Variants in TGFBR3 observed in about 807,000 individuals in gnomAD.
TGFBR3 encodes the protein transforming growth factor beta receptor 3.
TGFBR3 carries 46 observed loss-of-function variants against 87.9 expected under a neutral mutation model. The observed-to-expected ratio is 0.52, with a 90% CI of 0.41 to 0.67. The LOEUF (loss-of-function observed/expected upper bound fraction) is 0.67, where lower values mean the gene tolerates loss of function less well. TGFBR3 is among the 30% of genes least tolerant of loss of function. The pLI, the probability that TGFBR3 is intolerant of heterozygous loss-of-function variation, is 0.00. For missense variants in TGFBR3, 866 were observed against 1,041.9 expected (o/e 0.83, Z 2.32); for synonymous variants, 381 against 391.6 (o/e 0.97, Z 0.32).
At chr1:91,809,082 T>TA (rs1557722294) in intron 2 of TGFBR3, among the ~76,000 whole-genome samples, 1 of 152,136 alleles carries the variant, frequency 6.6e-6, no homozygotes, top group South Asian at 2.1e-4. Context: ...CTTTATCCCA[T>TA]AAAAAAATTA....
At position 91,681,726 on chromosome 1, in the gene TGFBR3, A is replaced by T. The variant is rs1670915026; in HGVS notation, c.*2013T>A. 2 of 433,558 alleles carry T rather than the reference A, an allele frequency of 4.6e-6. No homozygotes were observed. The highest frequency in any genetic ancestry group is 3.4e-5 in the South Asian group (2 of 58,964). The allele number at this position is 433,558 out of a possible 1,614,324, so 26.9% of individuals were successfully genotyped here. ...ATATATCTTTATACACAAATTTTGT[A>T]GTAAAATATAGCTATAAGTGACTTA... On this transcript the variant is annotated 3_prime_UTR_variant, in exon 17 of 17. Coordinates refer to ENST00000212355, the MANE Select transcript of TGFBR3 (RefSeq NM_003243.5).
At chr1:91,817,880 G>GAAAA (rs5776119) in intron 2 of TGFBR3, among the ~76,000 whole-genome samples, 16 of 139,064 alleles carry the variant, frequency 1.2e-4, no homozygotes, top group African/African-American at 3.4e-4. Flanking sequence ...ACTGATAACA[G>GAAAA]AAAAAAAAAA....
intron 12 of TGFBR3, among the ~76,000 whole-genome samples, chr1:91,714,833 C>G (rs11165313): frequency 0.16 from 24,474 of 152,150 alleles, 2,142 homozygotes; most frequent in Non-Finnish European, 0.2. Context: ...ATGTAGAAGG[C>G]AGTATATTTT....
intron 2 of TGFBR3, among the ~76,000 whole-genome samples, chr1:91,825,752 G>A (rs548962059): frequency 2.6e-5 from 4 of 152,246 alleles, no homozygotes; most frequent in East Asian, 3.9e-4. Context: ...AGGCCAAGGC[G>A]GGTGGATCAC....
At chr1:91,807,316 A>C (rs151062995) in intron 2 of TGFBR3, among the ~76,000 whole-genome samples, 1 of 152,216 alleles carries the variant, frequency 6.6e-6, no homozygotes, top group African/African-American at 2.4e-5. Context: ...GGGGAAAAAA[A>C]CTAGATTTTT....
At chr1:91,869,573 A>G (rs1678508307) in intron 1 of TGFBR3, among the ~76,000 whole-genome samples, 1 of 152,256 alleles carries the variant, frequency 6.6e-6, no homozygotes, top group Non-Finnish European at 1.5e-5. Context: ...CTGAGGCAGG[A>G]GAACCGCTTG....
At chr1:91,694,862 G>A (rs745954456) in intron 16 of TGFBR3, among the ~76,000 whole-genome samples, 8 of 152,146 alleles carry the variant, frequency 5.3e-5, no homozygotes, top group Non-Finnish European at 7.4e-5. Context: ...CCAGAATGCC[G>A]CAAAATGCAT....
chr1:91,824,758 G>A (rs1223081597), intron 2 of TGFBR3, among the ~76,000 whole-genome samples: 4 of 152,110 alleles, frequency 2.6e-5, no homozygotes, highest in Non-Finnish European at 4.4e-5. Flanking sequence ...TCACGAGTTC[G>A]AGACCAGCCT....
At chr1:91,797,580 G>A (rs1366545174) in intron 2 of TGFBR3, 109 bp from the exon 3 acceptor site, 14 of 1,226,284 alleles carry the variant, frequency 1.1e-5, no homozygotes, top group Middle Eastern at 2.0e-4. Flanking sequence ...GCCTTTCCAG[G>A]TAAACTGTTC....
At chr1:91,854,505 C>A (rs1009698577) in intron 2 of TGFBR3, among the ~76,000 whole-genome samples, 2 of 151,902 alleles carry the variant, frequency 1.3e-5, no homozygotes, top group Non-Finnish European at 2.9e-5. Context: ...CCACCTCACT[C>A]GACAGTGAGG....
chr1:91,859,528 C>A (rs1412004956), intron 2 of TGFBR3, among the ~76,000 whole-genome samples: 2 of 151,746 alleles, frequency 1.3e-5, no homozygotes, highest in Non-Finnish European at 2.9e-5. Context: ...AATAATGAGA[C>A]AAAATGAAAC....
At chr1:91,800,257 C>T (rs71510739) in intron 2 of TGFBR3, among the ~76,000 whole-genome samples, 21,841 of 66,642 alleles carry the variant, frequency 0.33, 2,083 homozygotes, top group East Asian at 0.58. Flanking sequence ...TATATATATA[C>T]ACACACACAC....
chr1:91,807,447 TG>T (rs1391003622), intron 2 of TGFBR3, among the ~76,000 whole-genome samples: 1 of 152,230 alleles, frequency 6.6e-6, no homozygotes, highest in Non-Finnish European at 1.5e-5. Context: ...ACCAACTTTT[TG>T]GGCCAAAAGC....
chr1:91,837,221 A>ATTATTTATTTAT (rs3039475), intron 2 of TGFBR3, among the ~76,000 whole-genome samples: 54 of 149,440 alleles, frequency 3.6e-4, no homozygotes, highest in African/African-American at 1.1e-3. Context: ...AAGTAAGGAT[A>ATTATTTATTTAT]TTATTTATTT....
chr1:91,719,430 A>C lies in TGFBR3; in HGVS notation c.1448T>G (p.Leu483Trp). Residue 483 changes from leucine to tryptophan, a missense_variant, in exon 10 of 17, where the codon TTG becomes TGG. Physicochemically the swap from Leu to Trp is moderately conservative, Grantham distance 61. Coordinates refer to ENST00000212355, the MANE Select transcript of TGFBR3 (RefSeq NM_003243.5). ...CATCTTGGCCTTGCAGGTAGGATCC[A>C]ACAGGGTGACGTCCATCCCCGAGTA... ...SGYSGMDVTLLDPTCKAKMNG... is the reference protein window; with the variant it reads ...SGYSGMDVTLWDPTCKAKMNG... 1.2e-6 allele frequency: 2 copies of C among 1,614,170 alleles called. No individual in the cohort carries two copies. The highest frequency in any genetic ancestry group is 1.7e-6 in the Non-Finnish European group (2 of 1,180,010).
At chr1:91,893,804 A>G (rs575565996) in intron 2 of TGFBR3, among the ~76,000 whole-genome samples, 2 of 152,142 alleles carry the variant, frequency 1.3e-5, no homozygotes, top group South Asian at 2.1e-4. Context: ...AAAGGTTTCT[A>G]AGAATGTTTC....
chr1:91,775,196 C>A (rs4658267), intron 3 of TGFBR3, among the ~76,000 whole-genome samples: 46,313 of 152,072 alleles, frequency 0.3, 7,293 homozygotes, highest in South Asian at 0.41. Flanking sequence ...AACACGGACT[C>A]CCCAAGTCTT....
chr1:91,769,719 C>G (rs1177892833), intron 3 of TGFBR3, among the ~76,000 whole-genome samples: 1 of 151,816 alleles, frequency 6.6e-6, no homozygotes, highest in African/African-American at 2.4e-5. Context: ...TGACACAAAC[C>G]GATCACTCTC....
intron 5 of TGFBR3, among the ~76,000 whole-genome samples, chr1:91,730,830 A>T (rs1672740313): frequency 6.6e-6 from 1 of 152,228 alleles, no homozygotes; most frequent in Non-Finnish European, 1.5e-5. Flanking sequence ...AACACAGACA[A>T]CTCAAGTTTA....
Sources: gnomAD v4.1 joint callset for allele counts (sites outside exome capture counted in the v4.1 genomes callset) on GRCh38, gnomAD v4.1.1 for gene constraint, MANE v1.5 for transcripts, NCBI Gene and HGNC (gene_info 2026-07-23, HGNC 2026-07-21) for gene names.